The following SLC39A11 variants were observed in gnomAD, a reference collection of about 807,000 sequenced individuals.
The protein encoded by SLC39A11 is solute carrier family 39 member 11, also known as zinc transporter ZIP11.
Under a neutral mutation model 36.1 loss-of-function variants are expected in SLC39A11, and 33 were observed. The ratio of observed to expected loss-of-function variants is 0.91; its 90% CI spans 0.69 to 1.22. SLC39A11 has a LOEUF of 1.22. SLC39A11 is among the 50% of genes most tolerant of loss of function. The probability of loss-of-function intolerance (pLI) is 0.00; values close to 1 mark genes in which losing one functional copy is unlikely to be tolerated. For synonymous variants in SLC39A11, 166 were observed against 170.3 expected, an observed-to-expected ratio of 0.97 and a Z score of 0.20; for missense variants, 432 against 430.3, an observed-to-expected ratio of 1.00 and a Z score of -0.03.
Position 72,649,270 on chromosome 17 carries a change from T to C in SLC39A11, c.672-2A>G. 1.2e-6 allele frequency: 2 copies of C among 1,613,642 alleles called. No homozygotes were observed. The highest frequency in any genetic ancestry group is 1.7e-6 in the Non-Finnish European group (2 of 1,179,794). On this transcript the variant is annotated splice_acceptor_variant, in intron 7 of 9. Coordinates refer to ENST00000255559, the MANE Select transcript of SLC39A11 (RefSeq NM_139177.4). LOFTEE classifies it high-confidence loss of function. Reference sequence around the variant, plus strand: ...ATCCCGATTCCAATGGCCAAATTCCTGAAAAACCAAGAAAGCACATGAAGG... The same window carrying C: ...ATCCCGATTCCAATGGCCAAATTCCCGAAAAACCAAGAAAGCACATGAAGG...
intron 6 of SLC39A11, among the ~76,000 whole-genome samples, chr17:72,833,503 C>T (rs2078376459): frequency 6.6e-6 from 1 of 152,230 alleles, no homozygotes; most frequent in African/African-American, 2.4e-5. Context: ...AAAGTTTTAT[C>T]TAGAGGCATT....
At chr17:72,853,916 G>C (rs1050917552) in intron 5 of SLC39A11, among the ~76,000 whole-genome samples, 10 of 152,204 alleles carry the variant, frequency 6.6e-5, no homozygotes, top group South Asian at 4.2e-4. Flanking sequence ...GGGATGTGAG[G>C]GTGTGCCAGA....
At chr17:72,907,906 A>G (rs913002578) in intron 5 of SLC39A11, among the ~76,000 whole-genome samples, 1 of 152,190 alleles carries the variant, frequency 6.6e-6, no homozygotes, top group African/African-American at 2.4e-5. Context: ...GAAGGAGGAG[A>G]CAGGTCGTTC....
At chr17:72,702,452 C>T (rs2072692885) in intron 7 of SLC39A11, among the ~76,000 whole-genome samples, 1 of 152,070 alleles carries the variant, frequency 6.6e-6, no homozygotes, top group African/African-American at 2.4e-5. Context: ...GCACAGGGCA[C>T]CCCCCGCCTA....
intron 4 of SLC39A11, among the ~76,000 whole-genome samples, chr17:73,030,197 C>T (rs1046115874): frequency 2.6e-5 from 4 of 152,218 alleles, no homozygotes; most frequent in Non-Finnish European, 5.9e-5. Context: ...AGCTGGCTGC[C>T]CACCTCCTGC....
At chr17:72,963,568 C>T (rs2147955374) in intron 4 of SLC39A11, among the ~76,000 whole-genome samples, 1 of 152,250 alleles carries the variant, frequency 6.6e-6, no homozygotes, top group Non-Finnish European at 1.5e-5. Flanking sequence ...AGCACGTTGA[C>T]ATTTCTAGGG....
In SLC39A11 at chr17:72,979,430, G is replaced by C. The variant is rs138442162; in HGVS notation, c.307-31555C>G. Among the ~76,000 whole-genome samples the C allele has an allele frequency of 8.2e-3, 1,241 of 152,250 alleles. 16 individuals carry two copies. Among genetic ancestry groups the C allele is most frequent in the Middle Eastern group, 0.048 (14 of 294 alleles). On this transcript the variant is annotated intron_variant, in intron 4 of 9. Transcript: ENST00000255559. ...ATGCTGAGAGGAACCTGGACTCCGA[G>C]AGCACATCTGATCCATGGAAATACT... is the stretch of plus-strand genomic sequence containing the variant.
At chr17:73,037,532 G>A (rs1050584338) in intron 3 of SLC39A11, among the ~76,000 whole-genome samples, 1 of 152,240 alleles carries the variant, frequency 6.6e-6, no homozygotes, top group Non-Finnish European at 1.5e-5. Flanking sequence ...TTGCCAGCCA[G>A]TCCCTTCATA....
chr17:73,004,219 GAAA>G (rs1568105905), intron 4 of SLC39A11, among the ~76,000 whole-genome samples: 42 of 79,168 alleles, frequency 5.3e-4, no homozygotes, highest in Middle Eastern at 4.7e-3. Context: ...AAGAAAGAAA[GAAA>G]GAAAGAAAGA....
At chr17:72,959,309 GTA>G (rs142177049) in intron 4 of SLC39A11, among the ~76,000 whole-genome samples, 4 of 110,990 alleles carry the variant, frequency 3.6e-5, no homozygotes, top group African/African-American at 1.2e-4. Flanking sequence ...ACTGGTGTAT[GTA>G]TGTGTGTGTG....
chr17:73,033,300 G>A (rs1244292878), intron 3 of SLC39A11, among the ~76,000 whole-genome samples: 1 of 152,226 alleles, frequency 6.6e-6, no homozygotes, highest in Non-Finnish European at 1.5e-5. Context: ...GCCATAGGCA[G>A]TAAGTAGCAG....
chr17:72,784,433 C>A (rs2076430642), intron 6 of SLC39A11, among the ~76,000 whole-genome samples: 1 of 152,190 alleles, frequency 6.6e-6, no homozygotes, highest in South Asian at 2.1e-4. Flanking sequence ...GGGGGTTTGA[C>A]ACCAGAATGT....
chr17:73,050,102 C>G (rs2059442570), intron 3 of SLC39A11, among the ~76,000 whole-genome samples: 1 of 152,112 alleles, frequency 6.6e-6, no homozygotes, highest in South Asian at 2.1e-4. Flanking sequence ...GCTTGGGCAA[C>G]AGAGTGAGAC....
chr17:72,746,445 A>G (rs1168422880), intron 6 of SLC39A11, among the ~76,000 whole-genome samples: 1 of 114,404 alleles, frequency 8.7e-6, no homozygotes, highest in Non-Finnish European at 1.9e-5. Flanking sequence ...GCAAGACCCC[A>G]TCTCTACAAA....
At chr17:72,894,918 T>A (rs188202438) in intron 5 of SLC39A11, among the ~76,000 whole-genome samples, 1 of 152,234 alleles carries the variant, frequency 6.6e-6, no homozygotes, top group East Asian at 1.9e-4. Flanking sequence ...CGTCTTTCTA[T>A]GTGATCCTAT....
At chr17:72,960,687 T>C (rs569403956) in intron 4 of SLC39A11, among the ~76,000 whole-genome samples, 3 of 152,160 alleles carry the variant, frequency 2.0e-5, no homozygotes, top group African/African-American at 7.2e-5. Flanking sequence ...TATAGTGGCA[T>C]ATCTCTGTGG....
At chr17:72,669,955 T>TATATACACGTATAGATGTATATACAC (rs2070927271) in intron 7 of SLC39A11, among the ~76,000 whole-genome samples, 1 of 147,014 alleles carries the variant, frequency 6.8e-6, no homozygotes. Flanking sequence ...TATATACACA[T>TATATACACGTATAGATGTATATACAC]ATATATACGT....
Position 72,771,553 on chromosome 17 carries a change from T to C in SLC39A11, c.602-34834A>G, listed in dbSNP as rs554526577. ...GAGAGCCTGCAGCTGAGAAGCTCCA[T>C]GGTAGGATGGATTACCTTTAAAGTT... On this transcript the variant is annotated intron_variant, in intron 6 of 9. Coordinates refer to ENST00000255559, the MANE Select transcript of SLC39A11 (RefSeq NM_139177.4). 2.0e-5 allele frequency among the ~76,000 whole-genome samples: 3 copies of C among 152,054 alleles called. No homozygotes were observed. The East Asian group carries it at 5.8e-4, about 30-fold the overall frequency.
Position 72,944,227 on chromosome 17 carries a change from G to A in SLC39A11, c.430+3525C>T, listed in dbSNP as rs142775464. Among the ~76,000 whole-genome samples the A allele has an allele frequency of 7.9e-5, 12 of 152,268 alleles. No homozygotes were observed. The East Asian group carries it at 9.6e-4, about 12-fold the overall frequency. ...TTCTTCTCTCAAAAGCCAGTGCCAC[G>A]GTATTGGCCTCTGTGTGCATCGGGC... is the stretch of plus-strand genomic sequence containing the variant. On this transcript the variant is annotated intron_variant, in intron 5 of 9. Coordinates refer to ENST00000255559, the MANE Select transcript of SLC39A11 (RefSeq NM_139177.4).
Sources: allele counts gnomAD v4.1 joint callset (sites outside exome capture counted in the v4.1 genomes callset), GRCh38; gene constraint gnomAD v4.1.1; transcripts MANE v1.5; gene names NCBI Gene and HGNC (gene_info 2026-07-23, HGNC 2026-07-21).